Variants in RAD51AP1 observed in about 807,000 individuals in gnomAD.
RAD51AP1 encodes RAD51 associated protein 1, also known as RAD51-associated protein 1.
In RAD51AP1, 14 loss-of-function variants were observed where a neutral mutation model predicts 34.3. The ratio of observed to expected loss-of-function variants is 0.41; its 90% CI spans 0.27 to 0.64. The LOEUF (loss-of-function observed/expected upper bound fraction) is 0.64. Among genes scored for constraint, RAD51AP1 ranks in the 30% least tolerant of loss-of-function variants. The pLI, the probability that RAD51AP1 is intolerant of heterozygous loss-of-function variation, is 0.33. For synonymous variants in RAD51AP1, 114 were observed against 129.8 expected (o/e 0.88, Z 0.83); for missense variants, 348 against 386.9 (o/e 0.90, Z 0.84).
intron 3 of RAD51AP1, chr12:4,545,211 T>C: frequency 2.2e-6 from 1 of 454,428 alleles, no homozygotes; most frequent in Non-Finnish European, 4.4e-6. Context: ...AAATGGAATA[T>C]TTTTCAGCCA....
chr12:4,552,883 G>A, intron 6 of RAD51AP1, 100 bp from the exon 7 acceptor site: 1 of 1,158,856 alleles, frequency 8.6e-7, no homozygotes, highest in Non-Finnish European at 1.2e-6. Context: ...AAACAGTGCA[G>A]CACAAAGGTG....
Position 4,548,194 on chromosome 12 carries a change from T to G in RAD51AP1, c.406+16T>G. The G allele has an allele frequency of 6.3e-7, 1 of 1,584,320 alleles. No individual in the cohort carries two copies. The highest frequency in any genetic ancestry group is 8.5e-7 in the Non-Finnish European group (1 of 1,171,544). On this transcript the variant is annotated intron_variant, in intron 5 of 8. Coordinates refer to ENST00000352618, the MANE Select transcript of RAD51AP1 (RefSeq NM_006479.5). ...GATTATTTAGGTAAGTTTTTTATATTAATAATTTTTCTCATCAACAATGCT... is the reference window on the plus strand; with the variant it reads ...GATTATTTAGGTAAGTTTTTTATATGAATAATTTTTCTCATCAACAATGCT...
intron 4 of RAD51AP1, among the ~76,000 whole-genome samples, chr12:4,547,656 A>G (rs1944516033): frequency 6.6e-6 from 1 of 152,160 alleles, no homozygotes; most frequent in African/African-American, 2.4e-5. Context: ...TATTATAACG[A>G]TTGGAGAGTT....
intron 2 of RAD51AP1, among the ~76,000 whole-genome samples, chr12:4,543,287 G>T (rs1944482194): frequency 6.6e-6 from 1 of 152,038 alleles, no homozygotes; most frequent in Non-Finnish European, 1.5e-5. Flanking sequence ...TCTTGAACTC[G>T]TGACTTCAGG....
chr12:4,538,937 A>G lies in RAD51AP1; in HGVS notation c.-3A>G, dbSNP rs1944427480. 6.2e-7 allele frequency: 1 copy of G among 1,613,964 alleles called. No individual in the cohort carries two copies. The highest frequency in any genetic ancestry group is 8.5e-7 in the Non-Finnish European group (1 of 1,179,936). Reference sequence around the variant, plus strand: ...CTGTAAATACCAAGCCTTGAAAGGGACCATGGTGCGGCCTGTGAGGTGGGT... The same window carrying G: ...CTGTAAATACCAAGCCTTGAAAGGGGCCATGGTGCGGCCTGTGAGGTGGGT... On this transcript the variant is annotated 5_prime_UTR_variant, in exon 1 of 9. Coordinates refer to ENST00000352618, the MANE Select transcript of RAD51AP1 (RefSeq NM_006479.5).
At chr12:4,554,970 C>T (rs928834634) in intron 7 of RAD51AP1, among the ~76,000 whole-genome samples, 1 of 152,088 alleles carries the variant, frequency 6.6e-6, no homozygotes, top group African/African-American at 2.4e-5. Context: ...ATATGGCTAG[C>T]GGCTACCATA....
rs1944605028 is a variant in RAD51AP1, at chr12:4,559,311, C to A, written c.*318C>A. 5.1e-6 allele frequency: 1 copy of A among 195,008 alleles called. No homozygotes were observed. The highest frequency in any genetic ancestry group is 1.5e-4 in the South Asian group (1 of 6,542). The allele number at this position is 195,008 out of a possible 1,614,324, so 12.1% of individuals were successfully genotyped here. The stretch of plus-strand genomic sequence containing the variant: ...ACATGATGTGCCTTTCTAGCTTTGT[C>A]TAGTTTATAGCACCTTAACTTTAAC... On this transcript the variant is annotated 3_prime_UTR_variant, in exon 9 of 9. Transcript: ENST00000352618.
At chr12:4,544,561 A>G (rs1218787543) in intron 3 of RAD51AP1, among the ~76,000 whole-genome samples, 1 of 152,196 alleles carries the variant, frequency 6.6e-6, no homozygotes, top group African/African-American at 2.4e-5. Flanking sequence ...GGAGAAACTT[A>G]CCTCATGTCA....
chr12:4,558,737 G>T, intron 8 of RAD51AP1, 120 bp from the exon 9 acceptor site: 1 of 1,180,506 alleles, frequency 8.5e-7, no homozygotes, highest in Non-Finnish European at 1.2e-6. Flanking sequence ...TTTATTGCTT[G>T]ATAGACACTG....
At chr12:4,539,267 A>G (rs1944434913) in intron 1 of RAD51AP1, among the ~76,000 whole-genome samples, 2 of 152,152 alleles carry the variant, frequency 1.3e-5, no homozygotes, top group Admixed American at 6.5e-5. Flanking sequence ...TTATCACTGT[A>G]GTTATTTGAT....
intron 1 of RAD51AP1, among the ~76,000 whole-genome samples, chr12:4,540,255 G>A (rs965417812): frequency 6.6e-6 from 1 of 152,172 alleles, no homozygotes; most frequent in African/African-American, 2.4e-5. Flanking sequence ...TTTCGAACAT[G>A]CTGAATTTGA....
At chr12:4,543,102 C>G (rs1272692978) in intron 2 of RAD51AP1, among the ~76,000 whole-genome samples, 1 of 152,094 alleles carries the variant, frequency 6.6e-6, no homozygotes, top group Non-Finnish European at 1.5e-5. Flanking sequence ...ACTCTTGCAC[C>G]TAGGCTAGAG....
chr12:4,540,628 C>A (rs1419168468), intron 1 of RAD51AP1, among the ~76,000 whole-genome samples: 2 of 151,226 alleles, frequency 1.3e-5, no homozygotes, highest in Non-Finnish European at 2.9e-5. Flanking sequence ...TTCATCATAG[C>A]TTAACCCTTA....
chr12:4,547,333 G>A (rs1315266493), intron 4 of RAD51AP1, among the ~76,000 whole-genome samples: 1 of 152,108 alleles, frequency 6.6e-6, no homozygotes, highest in African/African-American at 2.4e-5. Flanking sequence ...CAAAGTGCTG[G>A]GATTACAGGC....
In RAD51AP1 at chr12:4,546,392, C is replaced by T; in HGVS notation, c.293C>T (p.Thr98Ile). The change falls in exon 4 of 9, where the codon ACT becomes ATT. Residue 98 changes from threonine (T) to isoleucine (I), a missense_variant. Coordinates refer to ENST00000352618, the MANE Select transcript of RAD51AP1 (RefSeq NM_006479.5). The stretch of plus-strand genomic sequence containing the variant: ...GTGAAGGAACTTCCAACAGTCACCA[C>T]TAATGTGCAGAACTCTCAAGATAAA... ...LSVKELPTVT[T>I]NVQNSQDKSI... 2 of 1,611,422 alleles carry T rather than the reference C, an allele frequency of 1.2e-6. No individual in the cohort carries two copies. The highest frequency in any genetic ancestry group is 1.7e-6 in the Non-Finnish European group (2 of 1,177,812).
At chr12:4,558,626 G>T (rs1944599161) in intron 8 of RAD51AP1, among the ~76,000 whole-genome samples, 1 of 152,018 alleles carries the variant, frequency 6.6e-6, no homozygotes, top group African/African-American at 2.4e-5. Flanking sequence ...CAGCTTTCAT[G>T]GTGAGGTTTT....
At chr12:4,539,508 T>C (rs1221216323) in intron 1 of RAD51AP1, among the ~76,000 whole-genome samples, 1 of 152,198 alleles carries the variant, frequency 6.6e-6, no homozygotes, top group Non-Finnish European at 1.5e-5. Flanking sequence ...TTATTGAATA[T>C]ATTCACTTCT....
intron 3 of RAD51AP1, chr12:4,545,823 C>T (rs1296270864): frequency 1.2e-6 from 2 of 1,612,536 alleles, no homozygotes; most frequent in South Asian, 1.1e-5. Context: ...AGTGCAGTGC[C>T]TTGTACAAAG....
rs755382916 is a variant in RAD51AP1, at chr12:4,543,781, C to A, written c.86C>A (p.Thr29Asn). The A allele has an allele frequency of 1.3e-6, 2 of 1,598,422 alleles. No homozygotes were observed. The highest frequency in any genetic ancestry group is 1.7e-6 in the Non-Finnish European group (2 of 1,173,124). Reference protein sequence around the residue: ...SDSDDDFVSATVPLNKKSRTA... With the variant: ...SDSDDDFVSANVPLNKKSRTA... ...TGAATAGATGATTTTGTTTCTGCAA[C>A]TGTACCTTTAAACAAGAAATCCAGA... The change falls in exon 3 of 9, where the codon ACT becomes AAT. Residue 29 changes from threonine to asparagine, a missense_variant. Transcript: ENST00000352618.
Sources: gnomAD v4.1 joint callset for allele counts (sites outside exome capture counted in the v4.1 genomes callset) on GRCh38, gnomAD v4.1.1 for gene constraint, MANE v1.5 for transcripts, NCBI Gene and HGNC (gene_info 2026-07-23, HGNC 2026-07-21) for gene names.